Variants in PLD5 observed in about 807,000 individuals in gnomAD.
The protein encoded by PLD5 is phospholipase D family member 5.
Under a neutral mutation model 61.1 loss-of-function variants are expected in PLD5, and 36 were observed. The ratio of observed to expected loss-of-function variants is 0.59; its 90% CI spans 0.45 to 0.78. The LOEUF (loss-of-function observed/expected upper bound fraction) is 0.78. Among genes scored for constraint, PLD5 ranks in the 30% least tolerant of loss-of-function variants. The pLI, the probability that PLD5 is intolerant of heterozygous loss-of-function variation, is 0.00. For missense variants in PLD5, 515 were observed against 644.4 expected (o/e 0.80, Z 2.17); for synonymous variants, 243 against 242.8 (o/e 1.00, Z -0.01).
chr1:242,410,023 C>T (rs959577174), intron 1 of PLD5, among the ~76,000 whole-genome samples: 1 of 152,156 alleles, frequency 6.6e-6, no homozygotes, highest in Non-Finnish European at 1.5e-5. Flanking sequence ...CCCAAGGACC[C>T]CTTTTCCCCT....
intron 1 of PLD5, among the ~76,000 whole-genome samples, chr1:242,356,162 A>G (rs59537519): frequency 0.83 from 125,562 of 151,164 alleles, 52,953 homozygotes; most frequent in Non-Finnish European, 0.9. Context: ...CAATATTGAA[A>G]GTGATTATTA....
At chr1:242,395,083 A>G (rs538910787) in intron 1 of PLD5, among the ~76,000 whole-genome samples, 1 of 114,074 alleles carries the variant, frequency 8.8e-6, no homozygotes, top group Non-Finnish European at 1.9e-5. Context: ...ATATATATGT[A>G]TATATATGAA....
intron 1 of PLD5, among the ~76,000 whole-genome samples, chr1:242,431,483 G>T (rs61845897): frequency 0.07 from 10,668 of 152,116 alleles, 527 homozygotes; most frequent in Admixed American, 0.15. Flanking sequence ...TTTCACTCTC[G>T]CTTGCCTCTC....
chr1:242,217,307 T>G (rs1441797275), intron 5 of PLD5, among the ~76,000 whole-genome samples: 1 of 152,208 alleles, frequency 6.6e-6, no homozygotes. Context: ...CTGGGAAGGC[T>G]TCACCATTCT....
rs559726055 is a variant in PLD5, at chr1:242,141,044, C to G, written c.736-16379G>C. 1.8e-4 allele frequency among the ~76,000 whole-genome samples: 27 copies of G among 152,268 alleles called. No individual in the cohort carries two copies. The South Asian group carries it at 5.6e-3, about 32-fold the overall frequency. On this transcript the variant is annotated intron_variant, in intron 5 of 9. Coordinates refer to ENST00000536534, the MANE Select transcript of PLD5 (RefSeq NM_001372062.1). ...GTTTCTGTGAACATTCCACTAAGGC[C>G]TTGGCTCTGTGCTGGGTGAGGAGCT...
intron 1 of PLD5, among the ~76,000 whole-genome samples, chr1:242,422,171 A>AATAT (rs199571009): frequency 5.3e-5 from 8 of 151,698 alleles, no homozygotes; most frequent in African/African-American, 1.9e-4. Flanking sequence ...AAAAGCAGTA[A>AATAT]ATATATATAT....
At chr1:242,182,423 C>T (rs879928085) in intron 5 of PLD5, among the ~76,000 whole-genome samples, 1 of 152,300 alleles carries the variant, frequency 6.6e-6, no homozygotes, top group Admixed American at 6.5e-5. Flanking sequence ...ATCTCTGTCT[C>T]TATCTGTATC....
chr1:242,301,070 G>A (rs1289907946), intron 2 of PLD5, among the ~76,000 whole-genome samples: 2 of 152,222 alleles, frequency 1.3e-5, no homozygotes, highest in Non-Finnish European at 1.5e-5. Flanking sequence ...TGAGACTGAG[G>A]AAGAGTTATC....
Position 242,419,084 on chromosome 1 carries a change from T to C in PLD5, c.190-70842A>G, listed in dbSNP as rs138340296. On this transcript the variant is annotated intron_variant, in intron 1 of 9. Transcript: ENST00000536534. Reference sequence around the variant, plus strand: ...AAAGCTTTAATGCTACCTCCTGTGATCCTCCTAAGACACAGGCAGGAAAAA... The same window carrying C: ...AAAGCTTTAATGCTACCTCCTGTGACCCTCCTAAGACACAGGCAGGAAAAA... Among the ~76,000 whole-genome samples the C allele has an allele frequency of 3.6e-3, 545 of 152,232 alleles. 7 individuals carry two copies. The highest frequency in any genetic ancestry group is 0.012 in the African/African-American group (505 of 41,548).
At chr1:242,411,411 AT>A (rs1432526757) in intron 1 of PLD5, among the ~76,000 whole-genome samples, 1 of 151,968 alleles carries the variant, frequency 6.6e-6, no homozygotes, top group Non-Finnish European at 1.5e-5. Context: ...AATTTTTTGT[AT>A]TTTTAGTAGA....
chr1:242,209,705 A>G (rs1013388709), intron 5 of PLD5, among the ~76,000 whole-genome samples: 19 of 152,134 alleles, frequency 1.2e-4, no homozygotes, highest in Non-Finnish European at 5.9e-5. Context: ...CTAAGACAAC[A>G]ACATTGAAAT....
At chr1:242,409,833 G>A (rs554317944) in intron 1 of PLD5, among the ~76,000 whole-genome samples, 39 of 152,272 alleles carry the variant, frequency 2.6e-4, no homozygotes, top group South Asian at 1.0e-3. Flanking sequence ...ATGTGGGGGC[G>A]CCATGTTGCC....
In PLD5 at chr1:242,388,703, A is replaced by G. The variant is rs117624364; in HGVS notation, c.190-40461T>C. Among the ~76,000 whole-genome samples, 210 of 152,204 alleles carry G rather than the reference A, an allele frequency of 1.4e-3. 2 individuals carry two copies. The East Asian group carries it at 0.022, about 16-fold the overall frequency. On this transcript the variant is annotated intron_variant, in intron 1 of 9. Transcript: ENST00000536534. Reference sequence around the variant, plus strand: ...GTAAGGAGGAAATGACTACTAAAAAATCATTGAGATTGGGAGGCCGTGGTG... The same window carrying G: ...GTAAGGAGGAAATGACTACTAAAAAGTCATTGAGATTGGGAGGCCGTGGTG...
chr1:242,260,231 C>A (rs1157401508), intron 4 of PLD5, among the ~76,000 whole-genome samples: 1 of 151,748 alleles, frequency 6.6e-6, no homozygotes, highest in Non-Finnish European at 1.5e-5. Context: ...CCTATAATCC[C>A]AGCTACTTGG....
intron 4 of PLD5, among the ~76,000 whole-genome samples, chr1:242,244,022 C>T (rs1235679010): frequency 1.3e-5 from 2 of 152,152 alleles, no homozygotes; most frequent in Admixed American, 6.5e-5. Flanking sequence ...TGAAAGCTCC[C>T]AAATTGTCTG....
chr1:242,344,577 G>C (rs1660023562), intron 2 of PLD5, among the ~76,000 whole-genome samples: 1 of 152,156 alleles, frequency 6.6e-6, no homozygotes, highest in Non-Finnish European at 1.5e-5. Context: ...ATTAACATTT[G>C]CATATTATTT....
Position 242,247,012 on chromosome 1 carries a change from T to C in PLD5, c.607+18325A>G, listed in dbSNP as rs535544959. ...TTTTTTTTTTTTTTTGAGACGGAGTTTCGCTCTGTCGCCCAGGCTGGAGTG... is the reference window on the plus strand; with the variant it reads ...TTTTTTTTTTTTTTTGAGACGGAGTCTCGCTCTGTCGCCCAGGCTGGAGTG... On this transcript the variant is annotated intron_variant, in intron 4 of 9. Transcript: ENST00000536534. Among the ~76,000 whole-genome samples the C allele has an allele frequency of 5.7e-3, 854 of 149,950 alleles. 16 individuals carry two copies. The highest frequency in any genetic ancestry group is 0.026 in the South Asian group (124 of 4,716).
chr1:242,250,186 A>C (rs1672621702), intron 4 of PLD5, among the ~76,000 whole-genome samples: 2 of 152,354 alleles, frequency 1.3e-5, no homozygotes, highest in African/African-American at 4.8e-5. Context: ...ATAAAAATCA[A>C]GGCTCAACCT....
At chr1:242,378,153 G>A (rs1662072322) in intron 1 of PLD5, among the ~76,000 whole-genome samples, 1 of 152,192 alleles carries the variant, frequency 6.6e-6, no homozygotes, top group Admixed American at 6.5e-5. Flanking sequence ...AATGTGATAA[G>A]CACATAGGAC....
Sources: allele counts gnomAD v4.1 joint callset (sites outside exome capture counted in the v4.1 genomes callset), GRCh38; gene constraint gnomAD v4.1.1; transcripts MANE v1.5; gene names NCBI Gene and HGNC (gene_info 2026-07-23, HGNC 2026-07-21).